The following LMO7 variants were observed in gnomAD, a reference collection of about 807,000 sequenced individuals.
LMO7 encodes LIM domain 7.
A neutral mutation model predicts 206.5 loss-of-function variants in LMO7; 120 were observed. The observed-to-expected ratio is 0.58, with a 90% CI of 0.50 to 0.68. The LOEUF (loss-of-function observed/expected upper bound fraction) is 0.68, where lower values mean the gene tolerates loss of function less well. LMO7 is among the 30% of genes least tolerant of loss of function. The pLI is 0.00. For synonymous variants in LMO7, 706 were observed against 681.5 expected, an observed-to-expected ratio of 1.04 and a Z score of -0.56; for missense variants, 1,959 against 1,957.9, an observed-to-expected ratio of 1.00 and a Z score of -0.01.
At chr13:75,717,177 C>T (rs2043611538) in intron 2 of LMO7, among the ~76,000 whole-genome samples, 1 of 152,006 alleles carries the variant, frequency 6.6e-6, no homozygotes, top group Non-Finnish European at 1.5e-5. Flanking sequence ...TCCTGGCTAA[C>T]ATGGCGAAAC....
intron 2 of LMO7, 107 bp downstream of exon 2, chr13:75,713,359 G>A (rs1423183388): frequency 8.9e-6 from 6 of 671,992 alleles, no homozygotes; most frequent in Non-Finnish European, 1.5e-5. Context: ...ACAGATATGT[G>A]TTCTTGGTCA....
chr13:75,852,231 TAAATAA>T (rs1276059688), intron 27 of LMO7, among the ~76,000 whole-genome samples: 1 of 152,112 alleles, frequency 6.6e-6, no homozygotes, highest in African/African-American at 2.4e-5. Flanking sequence ...AAGCACTGAG[TAAATAA>T]AAATAAAAAT....
chr13:75,660,156 G>A (rs1258250331), intron 1 of LMO7, among the ~76,000 whole-genome samples: 1 of 152,308 alleles, frequency 6.6e-6, no homozygotes, highest in South Asian at 2.1e-4. Flanking sequence ...TGTTCTAGAC[G>A]ATGTAGGGGC....
rs1215689271 is a variant in LMO7, at chr13:75,760,956, G to A, written c.235G>A (p.Ala79Thr). 4.3e-6 allele frequency: 7 copies of A among 1,613,352 alleles called. No homozygotes were observed. The highest frequency in any genetic ancestry group is 1.3e-5 in the African/African-American group (1 of 74,866). ...GGATAATATAAACGTTTTCTTGAAA[G>A]CTTGTGAACAGATTGGATTGAAAGA... The part of the protein sequence containing the change: ...GLDNINVFLK[A>T]CEQIGLKEAQ... The change falls in exon 4 of 31, where the codon GCT (alanine) becomes ACT (threonine). Residue 79 changes from alanine (A) to threonine (T), a missense_variant. Ala to Thr is a moderately conservative substitution (Grantham distance 58). Coordinates refer to ENST00000377534, the MANE Select transcript of LMO7 (RefSeq NM_001306080.2).
Position 75,713,222 on chromosome 13 carries a change from C to T in LMO7, c.110C>T (p.Ala37Val), listed in dbSNP as rs1244575693. ...AATTTTGAAACAAAAGATTTTCGAG[C>T]CTCTCTAGAAAATGGTGTTCTGCTG... ...EKNFETKDFR[A>V]SLENGVLLCD... Residue 37 changes from alanine (A) to valine (V), a missense_variant, in exon 2 of 31, where the codon GCC becomes GTC. Physicochemically the swap from Ala to Val is moderately conservative, Grantham distance 64. Coordinates refer to ENST00000377534, the MANE Select transcript of LMO7 (RefSeq NM_001306080.2). 2 of 1,610,540 alleles carry T rather than the reference C, an allele frequency of 1.2e-6. No individual in the cohort carries two copies. The highest frequency in any genetic ancestry group is 1.7e-5 in the Admixed American group (1 of 59,692).
chr13:75,720,751 G>A (rs9565191), intron 2 of LMO7, among the ~76,000 whole-genome samples: 7,044 of 152,202 alleles, frequency 0.046, 430 homozygotes, highest in African/African-American at 0.13. Flanking sequence ...TGGTACTGAC[G>A]TTGCTGTTGC....
In LMO7 at chr13:75,840,376, C is replaced by G. The variant is rs1204886306; in HGVS notation, c.3478-15C>G. On this transcript the variant is annotated splice_polypyrimidine_tract_variant and intron_variant, in intron 21 of 30. Transcript: ENST00000377534. ...GTTGTTCTCTATTTGCATCTCTTCTCTGATAACTGGTTAGCTTCCAGTTCC... is the reference window on the plus strand; with the variant it reads ...GTTGTTCTCTATTTGCATCTCTTCTGTGATAACTGGTTAGCTTCCAGTTCC... 6.2e-7 allele frequency: 1 copy of G among 1,613,642 alleles called. No homozygotes were observed. The highest frequency in any genetic ancestry group is 2.2e-5 in the East Asian group (1 of 44,848).
intron 6 of LMO7, among the ~76,000 whole-genome samples, chr13:75,797,058 C>T (rs2054108764): frequency 1.3e-5 from 2 of 152,164 alleles, no homozygotes; most frequent in Non-Finnish European, 1.5e-5. Flanking sequence ...CTTTATGTAG[C>T]TTAAGTATTG....
At chr13:75,803,983 C>T (rs1051106776) in intron 7 of LMO7, among the ~76,000 whole-genome samples, 1 of 152,032 alleles carries the variant, frequency 6.6e-6, no homozygotes, top group African/African-American at 2.4e-5. Context: ...TGTATTACAT[C>T]AACAAATCTT....
chr13:75,710,831 C>T (rs186122009), intron 1 of LMO7, among the ~76,000 whole-genome samples: 1,631 of 152,056 alleles, frequency 0.011, 18 homozygotes, highest in South Asian at 0.028. Context: ...ACTTCCAACA[C>T]TATGTTGAAT....
At chr13:75,758,773 C>T (rs1365027238) in intron 3 of LMO7, among the ~76,000 whole-genome samples, 1 of 152,166 alleles carries the variant, frequency 6.6e-6, no homozygotes, top group African/African-American at 2.4e-5. Context: ...TTTTGGCTCT[C>T]ATTTGAGTAA....
At chr13:75,668,049 A>T (rs1454412978) in intron 1 of LMO7, among the ~76,000 whole-genome samples, 1 of 152,128 alleles carries the variant, frequency 6.6e-6, no homozygotes, top group African/African-American at 2.4e-5. Context: ...CTCTACTAAA[A>T]ATACAAAAAT....
At chr13:75,706,797 G>A (rs935391867) in intron 1 of LMO7, among the ~76,000 whole-genome samples, 4 of 152,046 alleles carry the variant, frequency 2.6e-5, no homozygotes, top group Admixed American at 1.3e-4. Flanking sequence ...TTTAATTTTT[G>A]TAGCCTAAAA....
rs1180930068 is a variant in LMO7 at position 75,798,477 on chromosome 13, C to CCA, written c.462+1729_462+1730dup. Among the ~76,000 whole-genome samples the CCA allele has an allele frequency of 3.9e-5, 6 of 152,194 alleles. 1 individual carries two copies. The highest frequency in any genetic ancestry group is 1.3e-4 in the Admixed American group (2 of 15,270). Reference sequence around the variant, plus strand: ...GAATAATCCTAGTACAGTGTCTATGCCAGGAATGCTTTATCAAAGGCTGTT... The same window carrying CCA: ...GAATAATCCTAGTACAGTGTCTATGCCACAGGAATGCTTTATCAAAGGCTGTT... On this transcript the variant is annotated intron_variant, in intron 6 of 30. Coordinates refer to ENST00000377534, the MANE Select transcript of LMO7 (RefSeq NM_001306080.2).
chr13:75,849,027 G>T (rs377279786), intron 26 of LMO7, 52 bp from the exon 27 acceptor site: 1 of 1,071,986 alleles, frequency 9.3e-7, no homozygotes, highest in East Asian at 2.5e-5. Flanking sequence ...AATCATCACT[G>T]TCACTTTTAA....
chr13:75,692,120 C>T (rs2139642694), intron 1 of LMO7, among the ~76,000 whole-genome samples: 1 of 152,314 alleles, frequency 6.6e-6, no homozygotes, highest in Non-Finnish European at 1.5e-5. Flanking sequence ...TCTGCACAAG[C>T]TGATACTAAG....
At chr13:75,829,370 G>T (rs1273507494) in intron 15 of LMO7, among the ~76,000 whole-genome samples, 1 of 152,126 alleles carries the variant, frequency 6.6e-6, no homozygotes, top group African/African-American at 2.4e-5. Flanking sequence ...GGAATGGGAT[G>T]AGGACAGTGG....
At chr13:75,623,465 G>T (rs892659570) in intron 2 of LMO7, 2 of 570,146 alleles carry the variant, frequency 3.5e-6, no homozygotes, top group African/African-American at 4.0e-5. Flanking sequence ...CCGGGTTCAA[G>T]TGATTCTCGT....
intron 3 of LMO7, among the ~76,000 whole-genome samples, chr13:75,737,752 C>CAAAAAAAA (rs374266925): frequency 2.8e-5 from 1 of 35,378 alleles, no homozygotes; most frequent in African/African-American, 1.2e-4. Flanking sequence ...GACTCCGTCT[C>CAAAAAAAA]AAAAAAAAAA....
Sources: allele counts gnomAD v4.1 joint callset (sites outside exome capture counted in the v4.1 genomes callset), GRCh38; gene constraint gnomAD v4.1.1; transcripts MANE v1.5; gene names NCBI Gene and HGNC (gene_info 2026-07-23, HGNC 2026-07-21).